AOPEP: variants seen among roughly 807,000 people sequenced by gnomAD.
The protein encoded by AOPEP is aminopeptidase O.
Under a neutral mutation model 98.1 loss-of-function variants are expected in AOPEP, and 77 were observed. The observed-to-expected ratio is 0.78, with a 90% confidence interval of 0.65 to 0.95. The LOEUF (loss-of-function observed/expected upper bound fraction) is 0.95. Among genes scored for constraint, AOPEP ranks in the 40% least tolerant of loss-of-function variants. The pLI, the probability that AOPEP is intolerant of heterozygous loss-of-function variation, is 0.00. For synonymous variants in AOPEP, 346 were observed against 365.3 expected (o/e 0.95, Z 0.60); for missense variants, 1,024 against 1,024.7 (o/e 1.00, Z 0.01).
In AOPEP at chr9:95,012,886, T is replaced by A. The variant is rs538179823; in HGVS notation, c.2115+7270T>A. Among the ~76,000 whole-genome samples, 213 of 151,216 alleles carry A rather than the reference T, an allele frequency of 1.4e-3. 2 individuals are homozygous for A. Among genetic ancestry groups the A allele is most frequent in the African/African-American group, 4.8e-3 (198 of 41,308 alleles). ...TCATACCTGGCTATTGCATTAAAAA[T>A]TTTTTTTTCGCTATTCAGGTTTTTA... On this transcript the variant is annotated intron_variant, in intron 13 of 16. Coordinates refer to ENST00000375315, the MANE Select transcript of AOPEP (RefSeq NM_001193329.3).
At chr9:95,126,468 T>C in the AOPEP span, 4 of 1,481,060 alleles carry the variant, frequency 2.7e-6, no homozygotes, top group Non-Finnish European at 3.8e-6. Flanking sequence ...ATTTTCTGAT[T>C]CATGCTTGGA....
chr9:95,058,269 C>G (rs988137596), intron 13 of AOPEP, among the ~76,000 whole-genome samples: 1 of 152,170 alleles, frequency 6.6e-6, no homozygotes, highest in African/African-American at 2.4e-5. Flanking sequence ...CTCAGGGTTT[C>G]TTTGCTCTGT....
At chr9:94,931,788 C>G (rs1452779117) in intron 7 of AOPEP, 2 of 1,549,376 alleles carry the variant, frequency 1.3e-6, no homozygotes, top group South Asian at 1.2e-5. Context: ...TGTTTGACCA[C>G]TCTGTCCTAA....
chr9:94,767,892 GAAT>G (rs1382786664), intron 2 of AOPEP, among the ~76,000 whole-genome samples: 1 of 152,184 alleles, frequency 6.6e-6, no homozygotes, highest in Non-Finnish European at 1.5e-5. Context: ...TAGAAAAGTA[GAAT>G]AATAATAAGG....
At chr9:95,010,849 T>G (rs1226859600) in intron 13 of AOPEP, among the ~76,000 whole-genome samples, 3 of 152,156 alleles carry the variant, frequency 2.0e-5, no homozygotes, top group African/African-American at 7.2e-5. Context: ...TAAAAGTAAT[T>G]ACAAAGAAAC....
At chr9:95,051,983 G>A (rs1226274729) in intron 13 of AOPEP, among the ~76,000 whole-genome samples, 3 of 152,120 alleles carry the variant, frequency 2.0e-5, no homozygotes, top group Non-Finnish European at 1.5e-5. Flanking sequence ...GATTACAGGC[G>A]TGAGCCACCG....
At chr9:95,131,174 A>G in the AOPEP span, among the ~76,000 whole-genome samples, 6 of 152,224 alleles carry the variant, frequency 3.9e-5, no homozygotes, top group Non-Finnish European at 8.8e-5. Flanking sequence ...TAAGAACTTA[A>G]CAAGTACCAA....
chr9:94,756,401 A>C (rs1300944030), intron 1 of AOPEP, among the ~76,000 whole-genome samples: 1 of 151,950 alleles, frequency 6.6e-6, no homozygotes, highest in Non-Finnish European at 1.5e-5. Flanking sequence ...TCGTCTCTAC[A>C]AAAATTTAAA....
the AOPEP span, among the ~76,000 whole-genome samples, chr9:95,112,598 G>A: frequency 6.6e-6 from 1 of 152,244 alleles, no homozygotes; most frequent in African/African-American, 2.4e-5. Context: ...CTGTACCAGA[G>A]TGAGGAGGGG....
rs549957094 is a variant in AOPEP at position 95,074,863 on chromosome 9, G to A, written c.2233-5831G>A. On this transcript the variant is annotated intron_variant, in intron 14 of 16. Coordinates refer to ENST00000375315, the MANE Select transcript of AOPEP (RefSeq NM_001193329.3). ...GCCACCTGCTTGTCTGCTGCCCAGC[G>A]TCAGCACCGGCAGCGGCAGAGGGAA... is the stretch of plus-strand genomic sequence containing the variant. Among the ~76,000 whole-genome samples the A allele has an allele frequency of 4.1e-4, 63 of 152,226 alleles. 1 individual carries two copies. The highest frequency in any genetic ancestry group is 8.7e-4 in the Non-Finnish European group (59 of 68,038).
chr9:95,125,238 A>G, the AOPEP span: 5 of 1,433,792 alleles, frequency 3.5e-6, no homozygotes, highest in Admixed American at 5.0e-5. Context: ...TCCGGCAAAC[A>G]TGAAAACCTG....
At chr9:94,989,456 C>T (rs1467706271) in intron 11 of AOPEP, among the ~76,000 whole-genome samples, 5 of 151,814 alleles carry the variant, frequency 3.3e-5, no homozygotes, top group Admixed American at 6.6e-5. Flanking sequence ...AGGATGGTCT[C>T]GATCTCCTAA....
chr9:94,851,603 A>G (rs1461254708), intron 5 of AOPEP, among the ~76,000 whole-genome samples: 4 of 151,490 alleles, frequency 2.6e-5, no homozygotes, highest in Admixed American at 6.6e-5. Flanking sequence ...AAGATGTTTA[A>G]TCTTTCTGTT....
the AOPEP span, among the ~76,000 whole-genome samples, chr9:95,128,982 A>G: frequency 1.3e-5 from 2 of 151,140 alleles, no homozygotes; most frequent in African/African-American, 4.9e-5. Flanking sequence ...GGCTCACTGC[A>G]ACCTCCAACT....
At chr9:94,919,771 C>A (rs1344586057) in intron 5 of AOPEP, among the ~76,000 whole-genome samples, 1 of 152,006 alleles carries the variant, frequency 6.6e-6, no homozygotes, top group African/African-American at 2.4e-5. Flanking sequence ...TGAAGTCACA[C>A]AAGCAGAAGC....
chr9:94,775,472 C>A (rs1175807550), intron 3 of AOPEP, among the ~76,000 whole-genome samples: 1 of 151,586 alleles, frequency 6.6e-6, no homozygotes, highest in Non-Finnish European at 1.5e-5. Flanking sequence ...CGGGTTCAGG[C>A]GATTCTGTCT....
intron 9 of AOPEP, among the ~76,000 whole-genome samples, chr9:94,959,419 A>G (rs750456515): frequency 3.3e-5 from 5 of 152,178 alleles, no homozygotes; most frequent in African/African-American, 7.2e-5. Flanking sequence ...CCATTTGTTA[A>G]AAAGACTGTT....
downstream of AOPEP, among the ~76,000 whole-genome samples, chr9:95,088,699 C>T (rs1052760564): frequency 6.6e-6 from 1 of 152,176 alleles, no homozygotes; most frequent in African/African-American, 2.4e-5. Context: ...GGTGACCTTG[C>T]TTTTCCAAAA....
chr9:95,023,854 T>C (rs1242217098), intron 13 of AOPEP, among the ~76,000 whole-genome samples: 4 of 152,214 alleles, frequency 2.6e-5, no homozygotes, highest in Non-Finnish European at 4.4e-5. Context: ...CTATGAGTAA[T>C]GGGTTATGCA....
Sources: gnomAD v4.1 joint callset for allele counts (sites outside exome capture counted in the v4.1 genomes callset) on GRCh38, gnomAD v4.1.1 for gene constraint, MANE v1.5 for transcripts, NCBI Gene and HGNC (gene_info 2026-07-23, HGNC 2026-07-21) for gene names.